The following SRSF6 variants were observed in gnomAD, a reference collection of about 807,000 sequenced individuals.
The protein encoded by SRSF6 is serine and arginine rich splicing factor 6.
SRSF6 carries 17 observed loss-of-function variants against 42.0 expected under a neutral mutation model. That is an observed-to-expected ratio of 0.40 (90% CI 0.28 to 0.61). The LOEUF (loss-of-function observed/expected upper bound fraction) is 0.61. Ranked by LOEUF, SRSF6 falls within the 20% of genes least tolerant of loss-of-function variation. The probability of loss-of-function intolerance (pLI) is 0.37; values close to 1 mark genes in which losing one functional copy is unlikely to be tolerated. For missense variants in SRSF6, 379 were observed against 471.4 expected, an observed-to-expected ratio of 0.80 and a Z score of 1.81; for synonymous variants, 204 against 166.7, an observed-to-expected ratio of 1.22 and a Z score of -1.72.
Position 43,461,191 on chromosome 20 carries a change from T to C in SRSF6, c.*128T>C, listed in dbSNP as rs538999729. The C allele has an allele frequency of 1.5e-6, 2 of 1,347,002 alleles. No homozygotes were observed. The highest frequency in any genetic ancestry group is 1.5e-5 in the African/African-American group (1 of 67,230). 83.4% of individuals were successfully genotyped at this position (1,347,002 alleles called of 1,614,324 possible). A position where few individuals can be genotyped will look rare whatever the true frequency, so the allele number is the denominator to read the frequency against. ...AAACAGGGGCACACAGAAATTTGAT[T>C]TGTGGCCAAATTGGATGAAAAAGAT... On this transcript the variant is annotated 3_prime_UTR_variant, in exon 6 of 6. Transcript: ENST00000244020.
In SRSF6 at chr20:43,458,513, A is replaced by C; in HGVS notation, c.256+4A>C. ...GGCTACAGCTACGGAAGCCGCAGTGAGTCCCACCCCCGCGCGCTCCGCGCC... is the reference window on the plus strand; with the variant it reads ...GGCTACAGCTACGGAAGCCGCAGTGCGTCCCACCCCCGCGCGCTCCGCGCC... On this transcript the variant is annotated splice_donor_region_variant and intron_variant, in intron 2 of 5. Coordinates refer to ENST00000244020, the MANE Select transcript of SRSF6 (RefSeq NM_006275.6). 1 of 1,497,198 alleles carries C rather than the reference A, an allele frequency of 6.7e-7. No individual in the cohort carries two copies. 92.7% of individuals were successfully genotyped at this position (1,497,198 alleles called of 1,614,324 possible).
Position 43,458,493 on chromosome 20 carries a change from C to T in SRSF6, c.240C>T (p.Tyr80=). The change falls in exon 2 of 6, where the codon TAC becomes TAT. Residue 80 remains tyrosine, a synonymous_variant. Coordinates refer to ENST00000244020, the MANE Select transcript of SRSF6 (RefSeq NM_006275.6). ...ARGPRRDRDG[Y]SYGSRSGGGG... is the part of the protein sequence containing the mutation. ...GCCCGCGTCGCGATCGCGACGGCTACAGCTACGGAAGCCGCAGTGAGTCCC... is the reference window on the plus strand; with the variant it reads ...GCCCGCGTCGCGATCGCGACGGCTATAGCTACGGAAGCCGCAGTGAGTCCC... 6.6e-7 allele frequency: 1 copy of T among 1,508,352 alleles called. No homozygotes were observed. The highest frequency in any genetic ancestry group is 8.8e-7 in the Non-Finnish European group (1 of 1,134,282). 93.4% of individuals were successfully genotyped at this position (1,508,352 alleles called of 1,614,324 possible).
chr20:43,460,328 G>T, intron 4 of SRSF6, 87 bp downstream of exon 4: 1 of 1,470,900 alleles, frequency 6.8e-7, no homozygotes, highest in South Asian at 1.2e-5. Context: ...TTGCCTACTT[G>T]AATTAAAGCC....
rs1600861689 is a variant in SRSF6 at position 43,460,427 on chromosome 20, T to C, written c.591-88T>C. On this transcript the variant is annotated intron_variant, in intron 4 of 5. Transcript: ENST00000244020. ...TTAATTTCGTAGTAAAGAAAAACAT[T>C]ATTCTTTGGCTTATCTATTTTTGCC... The C allele has an allele frequency of 2.7e-6, 4 of 1,468,538 alleles. No individual in the cohort carries two copies. The South Asian group carries it at 3.5e-5, about 13-fold the overall frequency. 91.0% of individuals were successfully genotyped at this position (1,468,538 alleles called of 1,614,324 possible).
At position 43,457,927 on chromosome 20, in the gene SRSF6, T is replaced by C. The variant is rs1357230113; in HGVS notation, c.-107T>C. Reference sequence around the variant, plus strand: ...TGGCTGGACTCGGCCGCCCCTGTGGTGTGAGGCGCGTGTTCGGGCTCTTGC... The same window carrying C: ...TGGCTGGACTCGGCCGCCCCTGTGGCGTGAGGCGCGTGTTCGGGCTCTTGC... On this transcript the variant is annotated 5_prime_UTR_variant, in exon 1 of 6. Transcript: ENST00000244020. 6.5e-6 allele frequency: 6 copies of C among 917,388 alleles called. No homozygotes were observed. Among genetic ancestry groups the C allele is most frequent in the South Asian group, 1.5e-5 (1 of 68,150 alleles). 56.8% of individuals were successfully genotyped at this position (917,388 alleles called of 1,614,324 possible). A position where few individuals can be genotyped will look rare whatever the true frequency, so the allele number is the denominator to read the frequency against.
At chr20:43,458,566 TGGG>T in intron 2 of SRSF6, 57 bp downstream of exon 2, 1 of 1,404,120 alleles carries the variant, frequency 7.1e-7, no homozygotes. Flanking sequence ...CGGGGGTGGG[TGGG>T]GTGGGGCCTC....
chr20:43,461,077 GT>G lies in SRSF6; in HGVS notation c.*17del, dbSNP rs763027184. The G allele has an allele frequency of 2.6e-6, 4 of 1,544,196 alleles. No homozygotes were observed. The highest frequency in any genetic ancestry group is 2.1e-5 in the Admixed American group (1 of 47,636). ...TCCAGAGATTAACTCAGAACTCCTT[GT>G]TTGCACATTATTATGGAACACTTTC... On this transcript the variant is annotated 3_prime_UTR_variant, in exon 6 of 6. Coordinates refer to ENST00000244020, the MANE Select transcript of SRSF6 (RefSeq NM_006275.6).
In SRSF6 at chr20:43,463,040, T is replaced by TA. The variant is rs1242490730; in HGVS notation, c.*1978dup. On this transcript the variant is annotated 3_prime_UTR_variant, in exon 6 of 6. Coordinates refer to ENST00000244020, the MANE Select transcript of SRSF6 (RefSeq NM_006275.6). The stretch of plus-strand genomic sequence containing the variant: ...TTTTAAAAGAGGGATGGGAGGATAT[T>TA]ACAGTAAGAAATTAGGCTTTCTAAA... 1 of 152,322 alleles carries TA rather than the reference T, an allele frequency of 6.6e-6. No individual in the cohort carries two copies. The highest frequency in any genetic ancestry group is 1.9e-4 in the East Asian group (1 of 5,196). 9.4% of individuals were successfully genotyped at this position (152,322 alleles called of 1,614,324 possible).
Position 43,459,847 on chromosome 20 carries a change from G to A in SRSF6, c.333G>A (p.Arg111=), listed in dbSNP as rs747408833. The A allele has an allele frequency of 2.5e-6, 4 of 1,610,284 alleles. No homozygotes were observed. The Admixed American group carries it at 6.8e-5, about 27-fold the overall frequency. Residue 111 remains arginine, a synonymous_variant, in exon 3 of 6, where the codon AGG becomes AGA. Transcript: ENST00000244020. The part of the protein sequence containing the change: ...KYGPPVRTEY[R]LIVENLSSRC... ...GACCACCTGTTCGTACAGAATACAG[G>A]CTTATTGTAGAAAATCTTTCTAGTC... is the stretch of plus-strand genomic sequence containing the variant.
At chr20:43,460,309 T>G in intron 4 of SRSF6, 68 bp downstream of exon 4, 1 of 1,506,594 alleles carries the variant, frequency 6.6e-7, no homozygotes, top group Non-Finnish European at 9.2e-7. Context: ...AATTGAGTGA[T>G]GTCAATTGTT....
Position 43,460,588 on chromosome 20 carries a change from A to T in SRSF6, c.664A>T (p.Ser222Cys). 6.2e-7 allele frequency: 1 copy of T among 1,614,216 alleles called. No homozygotes were observed. Among genetic ancestry groups the T allele is most frequent in the Non-Finnish European group, 8.5e-7 (1 of 1,180,040 alleles). ...SRSRSRSISK[S>C]RSRSRSRSKG... Reference sequence around the variant, plus strand: ...CAGTAGATCTCGAAGTATCTCAAAAAGTCGCTCCCGGTAAATAACGTTGTG... The same window carrying T: ...CAGTAGATCTCGAAGTATCTCAAAATGTCGCTCCCGGTAAATAACGTTGTG... Residue 222 changes from serine to cysteine, a missense_variant, in exon 5 of 6, where the codon AGT (serine) becomes TGT (cysteine). Transcript: ENST00000244020.
In SRSF6 at chr20:43,460,062, C is replaced by T. The variant is rs2017558817; in HGVS notation, c.411C>T (p.Thr137=). ...TTATGCGACAAGCAGGTGAAGTAAC[C>T]TATGCGGATGCCCACAAGGAACGAA... ...KDFMRQAGEV[T]YADAHKERTN... The change falls in exon 4 of 6, where the codon ACC becomes ACT. Residue 137 remains threonine (T), a synonymous_variant. Coordinates refer to ENST00000244020, the MANE Select transcript of SRSF6 (RefSeq NM_006275.6). The T allele has an allele frequency of 6.2e-7, 1 of 1,614,242 alleles. No homozygotes were observed. The highest frequency in any genetic ancestry group is 1.1e-5 in the South Asian group (1 of 91,090).
Position 43,462,044 on chromosome 20 carries a change from T to A in SRSF6, c.*981T>A, listed in dbSNP as rs1326530647. The A allele has an allele frequency of 6.6e-6, 1 of 152,232 alleles. No individual in the cohort carries two copies. Among genetic ancestry groups the A allele is most frequent in the Non-Finnish European group, 1.5e-5 (1 of 68,036 alleles). The allele number at this position is 152,232 out of a possible 1,614,324, so 9.4% of individuals were successfully genotyped here. Reference sequence around the variant, plus strand: ...ACATACTGCATTTTCTGCTGAAAGATCATTATGTTTAACAGGCACTTAATC... The same window carrying A: ...ACATACTGCATTTTCTGCTGAAAGAACATTATGTTTAACAGGCACTTAATC... On this transcript the variant is annotated 3_prime_UTR_variant, in exon 6 of 6. Transcript: ENST00000244020.
chr20:43,460,260 C>G lies in SRSF6; in HGVS notation c.590+19C>G. ...GATCCAGGTAACTTGTTGAAGGACACTGTGGGAAGGAAACAATATTTGCCA... is the reference window on the plus strand; with the variant it reads ...GATCCAGGTAACTTGTTGAAGGACAGTGTGGGAAGGAAACAATATTTGCCA... On this transcript the variant is annotated intron_variant, in intron 4 of 5. Coordinates refer to ENST00000244020, the MANE Select transcript of SRSF6 (RefSeq NM_006275.6). 1 of 1,611,624 alleles carries G rather than the reference C, an allele frequency of 6.2e-7. No homozygotes were observed. The highest frequency in any genetic ancestry group is 8.5e-7 in the Non-Finnish European group (1 of 1,177,846).
rs760481781 is a variant in SRSF6, at chr20:43,459,911, C to T, written c.381+16C>T. On this transcript the variant is annotated intron_variant, in intron 3 of 5. Coordinates refer to ENST00000244020, the MANE Select transcript of SRSF6 (RefSeq NM_006275.6). ...AGATTTAAAGGTATGTTTTGTAATT[C>T]AAGATAGAAATGATATGACTAATGC... The T allele has an allele frequency of 6.3e-7, 1 of 1,598,942 alleles. No homozygotes were observed. The highest frequency in any genetic ancestry group is 1.4e-5 in the African/African-American group (1 of 74,024).
At chr20:43,459,564 T>TC in intron 2 of SRSF6, 1 of 1,267,882 alleles carries the variant, frequency 7.9e-7, no homozygotes, top group Non-Finnish European at 1.1e-6. Context: ...CTCTAACAGA[T>TC]TGTAGGAGAG....
intron 1 of SRSF6, 68 bp from the exon 2 acceptor site, chr20:43,458,293 G>T: frequency 2.4e-5 from 34 of 1,422,184 alleles, no homozygotes; most frequent in Non-Finnish European, 2.9e-5. Context: ...GTGGGGTACG[G>T]GCGCGCGCAC....
chr20:43,461,178 A>C lies in SRSF6; in HGVS notation c.*115A>C. On this transcript the variant is annotated 3_prime_UTR_variant, in exon 6 of 6. Coordinates refer to ENST00000244020, the MANE Select transcript of SRSF6 (RefSeq NM_006275.6). ...AGGAATCTCTTGAAAACAGGGGCAC[A>C]CAGAAATTTGATTTGTGGCCAAATT... 2 of 1,397,104 alleles carry C rather than the reference A, an allele frequency of 1.4e-6. No individual in the cohort carries two copies. The highest frequency in any genetic ancestry group is 1.9e-6 in the Non-Finnish European group (2 of 1,075,446). 86.5% of individuals were successfully genotyped at this position (1,397,104 alleles called of 1,614,324 possible).
intron 3 of SRSF6, 30 bp downstream of exon 3, chr20:43,459,925 T>C (rs1490947195): frequency 1.9e-6 from 3 of 1,600,538 alleles, no homozygotes; most frequent in African/African-American, 2.7e-5. Context: ...ATAGAAATGA[T>C]ATGACTAATG....
Sources: allele counts gnomAD v4.1 joint callset, GRCh38; gene constraint gnomAD v4.1.1; transcripts MANE v1.5; gene names NCBI Gene and HGNC (gene_info 2026-07-23, HGNC 2026-07-21).